The following RGS22 variants were observed in gnomAD, a reference collection of about 807,000 sequenced individuals.
RGS22 encodes the protein regulator of G-protein signaling 22.
Under a neutral mutation model 172.9 loss-of-function variants are expected in RGS22, and 148 were observed. The observed-to-expected ratio is 0.86, with a 90% CI of 0.75 to 0.98. The LOEUF is 0.98. Among genes scored for constraint, RGS22 ranks in the 50% least tolerant of loss-of-function variants. The pLI, the probability that RGS22 is intolerant of heterozygous loss-of-function variation, is 0.00. For synonymous variants in RGS22, 458 were observed against 480.2 expected (o/e 0.95, Z 0.60); for missense variants, 1,347 against 1,440.8 (o/e 0.93, Z 1.05).
rs2131999941 is a variant in RGS22 at position 100,093,520 on chromosome 8, A to AG, written c.55-12_55-11insC. On this transcript the variant is annotated splice_polypyrimidine_tract_variant and intron_variant, in intron 2 of 27. Coordinates refer to ENST00000360863, the MANE Select transcript of RGS22 (RefSeq NM_015668.5). ...TGCCAGAGAATCTTCCTGCAAAAAA[A>AG]AAACATAAAAACACAGTATTATAAT... 2 of 1,537,938 alleles carry AG rather than the reference A, an allele frequency of 1.3e-6. No homozygotes were observed. The highest frequency in any genetic ancestry group is 4.5e-5 in the East Asian group (2 of 44,340).
intron 14 of RGS22, among the ~76,000 whole-genome samples, chr8:100,027,217 G>C (rs552141797): frequency 6.6e-6 from 1 of 152,044 alleles, no homozygotes; most frequent in Non-Finnish European, 1.5e-5. Context: ...TTGGGTGACA[G>C]AGCAAGATGA....
chr8:100,055,305 A>C (rs1401150662), intron 9 of RGS22, among the ~76,000 whole-genome samples: 1 of 152,210 alleles, frequency 6.6e-6, no homozygotes, highest in Non-Finnish European at 1.5e-5. Context: ...GAGAGACTCT[A>C]TTTGGGAGAA....
At chr8:99,971,618 C>G (rs946791410) in intron 23 of RGS22, among the ~76,000 whole-genome samples, 1 of 152,110 alleles carries the variant, frequency 6.6e-6, no homozygotes, top group Non-Finnish European at 1.5e-5. Flanking sequence ...AGTGAACTCC[C>G]ATTCACAATT....
chr8:99,983,596 T>C (rs923466174), intron 21 of RGS22, among the ~76,000 whole-genome samples: 1 of 152,178 alleles, frequency 6.6e-6, no homozygotes, highest in African/African-American at 2.4e-5. Flanking sequence ...GCCATTTATA[T>C]ACCTTTTGAG....
Position 100,072,216 on chromosome 8 carries a change from T to A in RGS22, c.354A>T (p.Glu118Asp), listed in dbSNP as rs1410226769. ...VNYNIMCLSR[E>D]EGIKWIKKER... ...CTTTTTTGATCCACTTAATACCTTC[T>A]TCACGACTGAGACACTATGAGAAGA... The change falls in exon 5 of 28, where the codon GAA (glutamate) becomes GAT (aspartate). Residue 118 changes from glutamate (E) to aspartate (D), a missense_variant. Coordinates refer to ENST00000360863, the MANE Select transcript of RGS22 (RefSeq NM_015668.5). The A allele has an allele frequency of 5.7e-6, 9 of 1,589,976 alleles. No homozygotes were observed. The highest frequency in any genetic ancestry group is 7.7e-6 in the Non-Finnish European group (9 of 1,169,834).
chr8:100,086,701 C>A (rs1330260835), intron 3 of RGS22, among the ~76,000 whole-genome samples: 2 of 152,000 alleles, frequency 1.3e-5, no homozygotes, highest in Non-Finnish European at 2.9e-5. Context: ...ACCCCTGAAT[C>A]TAAAATAAAA....
intron 22 of RGS22, among the ~76,000 whole-genome samples, chr8:99,981,596 T>C (rs558155228): frequency 2.3e-4 from 35 of 152,230 alleles, no homozygotes; most frequent in African/African-American, 7.7e-4. Flanking sequence ...CAGTCACATA[T>C]GCAAAGATTA....
At chr8:100,003,684 G>A (rs762396433) in intron 17 of RGS22, among the ~76,000 whole-genome samples, 3 of 152,040 alleles carry the variant, frequency 2.0e-5, no homozygotes, top group Non-Finnish European at 4.4e-5. Flanking sequence ...TTTTAACTTA[G>A]CCAATGCTGA....
intron 4 of RGS22, among the ~76,000 whole-genome samples, chr8:100,078,575 A>C (rs181175012): frequency 6.6e-6 from 1 of 150,948 alleles, no homozygotes; most frequent in African/African-American, 2.4e-5. Flanking sequence ...TCTGCTTTCC[A>C]TTTAGTACTT....
At chr8:100,072,728 G>A (rs528131385) in intron 4 of RGS22, among the ~76,000 whole-genome samples, 2 of 152,234 alleles carry the variant, frequency 1.3e-5, no homozygotes, top group East Asian at 3.9e-4. Flanking sequence ...AGTTAACAAT[G>A]ATAGTAGAGT....
chr8:99,971,331 C>G (rs1227289082), intron 23 of RGS22, among the ~76,000 whole-genome samples: 2 of 152,148 alleles, frequency 1.3e-5, no homozygotes, highest in East Asian at 3.8e-4. Flanking sequence ...CAAGGATGCC[C>G]TCTCTCACCA....
chr8:99,999,120 C>T (rs2199333), intron 19 of RGS22, 142 bp downstream of exon 19: 114,012 of 687,620 alleles, frequency 0.17, 10,202 homozygotes, highest in South Asian at 0.24. Flanking sequence ...GATCACACCA[C>T]TGCACTTCAG....
intron 17 of RGS22, 31 bp downstream of exon 17, chr8:100,003,895 T>C: frequency 1.3e-6 from 2 of 1,485,954 alleles, no homozygotes; most frequent in Non-Finnish European, 1.8e-6. Flanking sequence ...AAAAATGTTT[T>C]CAGTGAGAAA....
At chr8:100,035,528 C>G (rs1444176895) in intron 14 of RGS22, among the ~76,000 whole-genome samples, 1 of 152,144 alleles carries the variant, frequency 6.6e-6, no homozygotes, top group Non-Finnish European at 1.5e-5. Context: ...TAAATTAGTT[C>G]AACCTTGTGG....
intron 14 of RGS22, among the ~76,000 whole-genome samples, chr8:100,010,145 T>C (rs1816215529): frequency 6.6e-6 from 1 of 152,132 alleles, no homozygotes; most frequent in African/African-American, 2.4e-5. Flanking sequence ...CTTGGATGTC[T>C]ACACTACCCC....
intron 18 of RGS22, among the ~76,000 whole-genome samples, chr8:100,000,281 A>G (rs1814893750): frequency 6.6e-6 from 1 of 152,078 alleles, no homozygotes; most frequent in African/African-American, 2.4e-5. Flanking sequence ...CACTACTAAT[A>G]CTATTGTTTT....
At chr8:100,031,890 A>G (rs1476195645) in intron 14 of RGS22, among the ~76,000 whole-genome samples, 1 of 152,194 alleles carries the variant, frequency 6.6e-6, no homozygotes, top group Non-Finnish European at 1.5e-5. Context: ...AGAATTTTCA[A>G]CCCAGAATTT....
At chr8:100,095,524 G>A (rs1812897218) in intron 2 of RGS22, among the ~76,000 whole-genome samples, 4 of 152,082 alleles carry the variant, frequency 2.6e-5, no homozygotes, top group Admixed American at 2.6e-4. Flanking sequence ...ATTTCAGACA[G>A]ATAACTTTGA....
At chr8:100,066,995 T>C (rs1360444264) in intron 6 of RGS22, among the ~76,000 whole-genome samples, 1 of 152,176 alleles carries the variant, frequency 6.6e-6, no homozygotes, top group African/African-American at 2.4e-5. Context: ...ATCCTAGCCT[T>C]CTTGGGAAGA....
Sources: gnomAD v4.1 joint callset for allele counts (sites outside exome capture counted in the v4.1 genomes callset) on GRCh38, gnomAD v4.1.1 for gene constraint, MANE v1.5 for transcripts, NCBI Gene and HGNC (gene_info 2026-07-23, HGNC 2026-07-21) for gene names.